The following EBF2 variants were observed in gnomAD, a reference collection of about 807,000 sequenced individuals.
The protein encoded by EBF2 is transcription factor COE2.
EBF2 carries 21 observed loss-of-function variants against 72.8 expected under a neutral mutation model. The ratio of observed to expected loss-of-function variants is 0.29; its 90% CI spans 0.20 to 0.42. EBF2 has a LOEUF of 0.42. Ranked by LOEUF, EBF2 falls within the 10% of genes least tolerant of loss-of-function variation. The pLI is 1.00. For missense variants in EBF2, 637 were observed against 731.2 expected, an observed-to-expected ratio of 0.87 and a Z score of 1.49; for synonymous variants, 299 against 274.2, an observed-to-expected ratio of 1.09 and a Z score of -0.89.
At position 26,042,161 on chromosome 8, in the gene EBF2, A is replaced by G. The variant is rs1805612512; in HGVS notation, c.222T>C (p.Tyr74=). The change falls in exon 2 of 16, where the codon TAT becomes TAC. Residue 74 remains tyrosine, a synonymous_variant. Coordinates refer to ENST00000520164, the MANE Select transcript of EBF2 (RefSeq NM_022659.4). ...TCTCCACCGGCTGGCCCTGCCTGTC[A>G]TAGAGCGCCAGGACGAAGTGAAAGA... is the stretch of plus-strand genomic sequence containing the variant. ...SNFFHFVLAL[Y]DRQGQPVEIE... 2 of 1,614,192 alleles carry G rather than the reference A, an allele frequency of 1.2e-6. No homozygotes were observed. Among genetic ancestry groups the G allele is most frequent in the Non-Finnish European group, 1.7e-6 (2 of 1,180,036 alleles).
At chr8:25,914,776 TTTAG>T (rs1803183231) in intron 6 of EBF2, among the ~76,000 whole-genome samples, 1 of 152,216 alleles carries the variant, frequency 6.6e-6, no homozygotes, top group African/African-American at 2.4e-5. Flanking sequence ...ACCGAATCCA[TTTAG>T]TTAAACAATC....
At chr8:25,975,034 A>G (rs1163019793) in intron 6 of EBF2, among the ~76,000 whole-genome samples, 1 of 152,164 alleles carries the variant, frequency 6.6e-6, no homozygotes, top group East Asian at 1.9e-4. Flanking sequence ...AAGCAAAGAG[A>G]TTAATCAGAG....
intron 6 of EBF2, among the ~76,000 whole-genome samples, chr8:26,015,749 GTCAAGCCTTTGTCCAACCA>G (rs1805101020): frequency 1.3e-5 from 2 of 152,188 alleles, no homozygotes; most frequent in South Asian, 4.1e-4. Context: ...TGGTGACTTG[GTCAAGCCTTTGTCCAACCA>G]TCACTGCATT....
chr8:25,852,740 A>G (rs935297104), intron 14 of EBF2, among the ~76,000 whole-genome samples: 1 of 152,350 alleles, frequency 6.6e-6, no homozygotes, highest in Admixed American at 6.5e-5. Flanking sequence ...AAAAATGCCA[A>G]AATGCATTCA....
Position 25,894,063 on chromosome 8 carries a change from C to A in EBF2, c.634-4194G>T, listed in dbSNP as rs55812834. On this transcript the variant is annotated intron_variant, in intron 7 of 15. Transcript: ENST00000520164. ...TTCCAGGTTTTAATATTCCAAATAT[C>A]TCAGATGGTGAGGTAGCTGGAAGAG... 3.1e-3 allele frequency among the ~76,000 whole-genome samples: 478 copies of A among 152,208 alleles called. 3 individuals carry two copies. Among genetic ancestry groups the A allele is most frequent in the African/African-American group, 0.011 (457 of 41,540 alleles).
chr8:25,844,714 G>T, intron 15 of EBF2, 74 bp from the exon 16 acceptor site: 1 of 1,558,686 alleles, frequency 6.4e-7, no homozygotes, highest in Non-Finnish European at 8.9e-7. Flanking sequence ...AGAATGAGGG[G>T]CAGGGGATGG....
chr8:25,855,187 A>G (rs1300106487), intron 14 of EBF2, among the ~76,000 whole-genome samples: 1 of 152,176 alleles, frequency 6.6e-6, no homozygotes, highest in Admixed American at 6.5e-5. Flanking sequence ...TTGTAGGAGG[A>G]TTGATTGGCT....
At chr8:25,978,928 T>C (rs1804313085) in intron 6 of EBF2, among the ~76,000 whole-genome samples, 1 of 151,352 alleles carries the variant, frequency 6.6e-6, no homozygotes, top group South Asian at 2.1e-4. Context: ...GTGGTGCGGG[T>C]TGGTTCACTC....
intron 7 of EBF2, among the ~76,000 whole-genome samples, chr8:25,904,258 AAAG>A (rs1803000621): frequency 2.8e-5 from 4 of 143,116 alleles, no homozygotes; most frequent in African/African-American, 1.0e-4. Flanking sequence ...AAAAGGTTAA[AAAG>A]GGTTAAAAGG....
chr8:26,013,285 T>C (rs948965453), intron 6 of EBF2, among the ~76,000 whole-genome samples: 1 of 151,986 alleles, frequency 6.6e-6, no homozygotes, highest in Non-Finnish European at 1.5e-5. Flanking sequence ...TCTTCCCATA[T>C]TCCTTTAAGA....
intron 6 of EBF2, among the ~76,000 whole-genome samples, chr8:26,024,209 C>T (rs914494668): frequency 3.9e-5 from 6 of 152,102 alleles, no homozygotes; most frequent in Non-Finnish European, 7.4e-5. Context: ...TGTAAATATT[C>T]GAGGTATAGC....
chr8:26,032,016 T>A (rs1318560874), intron 6 of EBF2: 1 of 152,232 alleles, frequency 6.6e-6, no homozygotes, highest in Admixed American at 6.5e-5. Context: ...CCCATCATCC[T>A]CTTCAAGCAT....
In EBF2 at chr8:26,044,451, CT is replaced by C. The variant is rs537841817; in HGVS notation, c.131+277del. 9.5e-3 allele frequency among the ~76,000 whole-genome samples: 1,450 copies of C among 152,360 alleles called. 14 individuals are homozygous for C. The highest frequency in any genetic ancestry group is 0.014 in the Non-Finnish European group (965 of 68,042). ...CTGAGCTGGGAGATGTTGGGGGCTACTTTATTTTTCCTTGCAAAGAGTGGAC... is the reference window on the plus strand; with the variant it reads ...CTGAGCTGGGAGATGTTGGGGGCTACTTATTTTTCCTTGCAAAGAGTGGAC... On this transcript the variant is annotated intron_variant, in intron 1 of 15. Coordinates refer to ENST00000520164, the MANE Select transcript of EBF2 (RefSeq NM_022659.4). The surrounding 1 kb of genome is among the most constrained non-coding windows in gnomAD (Gnocchi z 4.1).
rs767561459 is a variant in EBF2 at position 25,858,376 on chromosome 8, C to T, written c.1471G>A (p.Gly491Ser). ...AGAAATCCTGGTGAACCTGGAACAC[C>T]CAAGTTGGCCATGGGGACATTGCTG... ...GYSNVPMANLGVPGSPGFLNG... is the reference protein window; with the variant it reads ...GYSNVPMANLSVPGSPGFLNG... Residue 491 changes from glycine (G) to serine (S), a missense_variant, in exon 14 of 16, where the codon GGT becomes AGT. This residue lies in a region of EBF2 where 259 missense variants were observed against 268.1 expected (regional missense o/e 0.97). Transcript: ENST00000520164. 4.6e-5 allele frequency: 74 copies of T among 1,614,180 alleles called. No homozygotes were observed. In the East Asian group the frequency reaches 1.5e-3, roughly 34 times the overall value.
At chr8:26,024,266 C>T (rs1405252484) in intron 6 of EBF2, among the ~76,000 whole-genome samples, 1 of 152,158 alleles carries the variant, frequency 6.6e-6, no homozygotes, top group Non-Finnish European at 1.5e-5. Flanking sequence ...CTCCGCACTT[C>T]AGATCTTCCA....
At chr8:25,855,846 AACC>A (rs893393913) in intron 14 of EBF2, among the ~76,000 whole-genome samples, 23 of 152,282 alleles carry the variant, frequency 1.5e-4, no homozygotes, top group African/African-American at 5.3e-4. Context: ...TGAAGGTGCA[AACC>A]ACCACACCAG....
At chr8:25,995,396 G>A (rs574054420) in intron 6 of EBF2, among the ~76,000 whole-genome samples, 1 of 152,142 alleles carries the variant, frequency 6.6e-6, no homozygotes, top group Non-Finnish European at 1.5e-5. Flanking sequence ...AAATACAACA[G>A]ATGAAAGAAA....
intron 6 of EBF2, among the ~76,000 whole-genome samples, chr8:25,992,359 C>CAAAAAAAAAAAAA (rs1804559026): frequency 1.8e-5 from 2 of 110,878 alleles, no homozygotes; most frequent in Non-Finnish European, 3.9e-5. Flanking sequence ...AAAAAAAAAG[C>CAAAAAAAAAAAAA]AAAAGGCAGT....
intron 6 of EBF2, among the ~76,000 whole-genome samples, chr8:25,966,740 G>A (rs984274266): frequency 6.6e-6 from 1 of 152,168 alleles, no homozygotes; most frequent in Non-Finnish European, 1.5e-5. Context: ...TGGGTGATAA[G>A]AGAGCCAGTA....
Sources: allele counts gnomAD v4.1 joint callset (sites outside exome capture counted in the v4.1 genomes callset), GRCh38; gene constraint gnomAD v4.1.1; regional missense constraint gnomAD v4.1.1; non-coding constraint Gnocchi (gnomAD v3.1); transcripts MANE v1.5; gene names NCBI Gene and HGNC (gene_info 2026-07-23, HGNC 2026-07-21).